The following SEZ6L2 variants were observed in gnomAD, a reference collection of about 807,000 sequenced individuals.
The protein encoded by SEZ6L2 is seizure 6-like protein 2.
A neutral mutation model predicts 97.0 loss-of-function variants in SEZ6L2; 44 were observed. That is an observed-to-expected ratio of 0.45 (90% confidence interval 0.36 to 0.58). The LOEUF (loss-of-function observed/expected upper bound fraction) is 0.58. Ranked by LOEUF, SEZ6L2 falls within the 20% of genes least tolerant of loss-of-function variation. The probability of loss-of-function intolerance (pLI) is 0.00; values close to 1 mark genes in which losing one functional copy is unlikely to be tolerated. For synonymous variants in SEZ6L2, 543 were observed against 546.1 expected, an observed-to-expected ratio of 0.99 and a Z score of 0.08; for missense variants, 1,086 against 1,233.3, an observed-to-expected ratio of 0.88 and a Z score of 1.79.
Position 29,895,336 on chromosome 16 carries a change from C to T in SEZ6L2, c.776G>A (p.Ser259Asn), listed in dbSNP as rs376234901. The T allele has an allele frequency of 7.2e-5, 116 of 1,614,034 alleles. No homozygotes were observed. The highest frequency in any genetic ancestry group is 9.5e-5 in the Non-Finnish European group (112 of 1,180,040). ...SMLGEGQVLR[S>N]PTNRLLLHFQ... The stretch of plus-strand genomic sequence containing the variant: ...GTGCAGAAGCAGCCGGTTGGTTGGG[C>T]TCCGAAGGACTTGTCCTTCTCCAAG... Residue 259 changes from serine (S) to asparagine (N), a missense_variant, in exon 5 of 18, where the codon AGC becomes AAC. Physicochemically the swap from Ser to Asn is conservative, Grantham distance 46. This residue lies in a region of SEZ6L2 where 776 missense variants were observed against 794.7 expected (regional missense o/e 0.98). Coordinates refer to ENST00000617533, the MANE Select transcript of SEZ6L2 (RefSeq NM_001243332.2).
At chr16:29,890,072 C>T (rs748299581) in intron 5 of SEZ6L2, among the ~76,000 whole-genome samples, 1 of 152,048 alleles carries the variant, frequency 6.6e-6, no homozygotes, top group Non-Finnish European at 1.5e-5. Flanking sequence ...CCATGCCTAG[C>T]TAATTTTTGT....
At position 29,899,107 on chromosome 16, in the gene SEZ6L2, A is replaced by ATTT; in HGVS notation, c.-89_-88insAAA. 2.9e-6 allele frequency: 2 copies of ATTT among 688,516 alleles called. No individual in the cohort carries two copies. The highest frequency in any genetic ancestry group is 4.5e-6 in the Non-Finnish European group (2 of 447,216). The allele number at this position is 688,516 out of a possible 1,614,324, so 42.7% of individuals were successfully genotyped here. On this transcript the variant is annotated 5_prime_UTR_variant, in exon 1 of 18. Coordinates refer to ENST00000617533, the MANE Select transcript of SEZ6L2 (RefSeq NM_001243332.2). Reference sequence around the variant, plus strand: ...CCGTCTCCGTTTATCTTTCCCTTTAATTGTTTTTTTTTTTTTTTTTTTTTT... The same window carrying ATTT: ...CCGTCTCCGTTTATCTTTCCCTTTAATTTTTGTTTTTTTTTTTTTTTTTTTTTT...
At chr16:29,880,755 C>T (rs1387468480) in intron 8 of SEZ6L2, among the ~76,000 whole-genome samples, 1 of 151,158 alleles carries the variant, frequency 6.6e-6, no homozygotes, top group Non-Finnish European at 1.5e-5. Context: ...CTGCGCCCAG[C>T]CTGGGTTTTT....
intron 8 of SEZ6L2, 120 bp downstream of exon 8, chr16:29,885,466 G>C (rs577435726): frequency 1.8e-6 from 2 of 1,114,730 alleles, no homozygotes; most frequent in African/African-American, 3.1e-5. Context: ...AGCGAGTCAC[G>C]TTTCAAGGAA....
At chr16:29,887,393 C>T (rs12443645) in intron 7 of SEZ6L2, among the ~76,000 whole-genome samples, 10,974 of 148,814 alleles carry the variant, frequency 0.074, 541 homozygotes, top group Admixed American at 0.13. Flanking sequence ...CTCTGCCTCC[C>T]GGGTTCACGC....
At position 29,897,060 on chromosome 16, in the gene SEZ6L2, G is replaced by A; in HGVS notation, c.273C>T (p.Ser91=). ...PPAGQTLAVP[S]LPRATEPGTG... Reference sequence around the variant, plus strand: ...TCCCCGGCTCAGTGGCCCGTGGCAGGGAGGGCACTGCGAGAGTCTGGCCGG... The same window carrying A: ...TCCCCGGCTCAGTGGCCCGTGGCAGAGAGGGCACTGCGAGAGTCTGGCCGG... Residue 91 remains serine (S), a synonymous_variant, in exon 3 of 18, where the codon TCC becomes TCT. Transcript: ENST00000617533. 6.3e-7 allele frequency: 1 copy of A among 1,581,938 alleles called. No individual in the cohort carries two copies. Among genetic ancestry groups the A allele is most frequent in the Non-Finnish European group, 8.5e-7 (1 of 1,171,746 alleles).
chr16:29,874,640 G>T (rs1251538178), intron 12 of SEZ6L2, among the ~76,000 whole-genome samples: 1 of 130,512 alleles, frequency 7.7e-6, no homozygotes, highest in African/African-American at 2.9e-5. Context: ...GGCGCATCTC[G>T]GCTCACTGCA....
At chr16:29,877,788 G>C in intron 10 of SEZ6L2, among the ~76,000 whole-genome samples, 1 of 152,082 alleles carries the variant, frequency 6.6e-6, no homozygotes, top group East Asian at 1.9e-4. Context: ...TCCAGCTCTG[G>C]CCAATCACAG....
intron 7 of SEZ6L2, among the ~76,000 whole-genome samples, chr16:29,886,963 C>T (rs966297879): frequency 2.0e-5 from 3 of 151,976 alleles, no homozygotes; most frequent in Non-Finnish European, 4.4e-5. Flanking sequence ...GGGCAGATCA[C>T]CTGAGGTTGG....
chr16:29,880,671 G>A (rs1249023903), intron 8 of SEZ6L2, among the ~76,000 whole-genome samples: 2 of 151,946 alleles, frequency 1.3e-5, no homozygotes, highest in Admixed American at 1.3e-4. Context: ...CGGCTAGGCT[G>A]GTCTTGAACT....
At position 29,888,695 on chromosome 16, in the gene SEZ6L2, C is replaced by A. The variant is rs1460587187; in HGVS notation, c.884G>T (p.Arg295Leu). Reference sequence around the variant, plus strand: ...CACACTCACGTCCCCATGGGCCGGCCGGGGAGGGAAGCCACAGCTCAGGAG... The same window carrying A: ...CACACTCACGTCCCCATGGGCCGGCAGGGGAGGGAAGCCACAGCTCAGGAG... ...AYLLSCGFPP[R>L]PAHGDVSVTD... Residue 295 changes from arginine to leucine, a missense_variant, in exon 6 of 18, where the codon CGG (arginine) becomes CTG (leucine). Arg to Leu is a moderately radical substitution (Grantham distance 102). Coordinates refer to ENST00000617533, the MANE Select transcript of SEZ6L2 (RefSeq NM_001243332.2). The A allele has an allele frequency of 6.2e-7, 1 of 1,613,408 alleles. No homozygotes were observed. Among genetic ancestry groups the A allele is most frequent in the Non-Finnish European group, 8.5e-7 (1 of 1,179,734 alleles).
chr16:29,876,878 T>C lies in SEZ6L2; in HGVS notation c.1982A>G (p.Asp661Gly). 1 of 1,613,488 alleles carries C rather than the reference T, an allele frequency of 6.2e-7. No homozygotes were observed. Among genetic ancestry groups the C allele is most frequent in the Non-Finnish European group, 8.5e-7 (1 of 1,179,778 alleles). Residue 661 changes from aspartate (D) to glycine (G), a missense_variant, in exon 12 of 18, where the codon GAC becomes GGC. Physicochemically the swap from Asp to Gly is moderately conservative, Grantham distance 94. Around this residue, in one of 2 missense-constraint regions of SEZ6L2, gnomAD observed 310 missense variants for 438.6 expected, o/e 0.71. Coordinates refer to ENST00000617533, the MANE Select transcript of SEZ6L2 (RefSeq NM_001243332.2). This position sits in a 1 kb window ranked among gnomAD's most constrained non-coding sequence, Gnocchi z 6.5. ...EWGWRTASHG[D>G]LIRGTVLTYQ... is the part of the protein sequence containing the mutation. ...GGTGAGCACCGTGCCCCGGATCAGG[T>C]CCCCGTGGGATGCCGTTCTCCAGCC...
chr16:29,873,435 C>T lies in SEZ6L2; in HGVS notation c.2297-4G>A, dbSNP rs990155643. 5.6e-6 allele frequency: 9 copies of T among 1,614,056 alleles called. No individual in the cohort carries two copies. Among genetic ancestry groups the T allele is most frequent in the Admixed American group, 1.7e-5 (1 of 60,004 alleles). ...TTCAGGCACGGCTCGTACTTCACTG[C>T]GGGGAGCATGCCAGTCACGTGCCAG... On this transcript the variant is annotated splice_region_variant and splice_polypyrimidine_tract_variant and intron_variant, in intron 13 of 17. Coordinates refer to ENST00000617533, the MANE Select transcript of SEZ6L2 (RefSeq NM_001243332.2). The surrounding 1 kb of genome is among the most constrained non-coding windows in gnomAD (Gnocchi z 4.3).
chr16:29,877,142 T>C (rs1415904172), intron 11 of SEZ6L2, 129 bp downstream of exon 11: 82 of 1,179,528 alleles, frequency 7.0e-5, no homozygotes, highest in Non-Finnish European at 9.4e-5. Context: ...CCTCCTGGCT[T>C]CAAACGATCC....
At chr16:29,871,901 C>A (rs1175871998) in intron 17 of SEZ6L2, among the ~76,000 whole-genome samples, 173 bp from the exon 18 acceptor site, 9 of 152,134 alleles carry the variant, frequency 5.9e-5, no homozygotes, top group Non-Finnish European at 1.3e-4. Context: ...ACACAAAAAT[C>A]TGAATTTCTG....
intron 5 of SEZ6L2, among the ~76,000 whole-genome samples, chr16:29,892,210 G>A (rs1396404629): frequency 2.0e-5 from 3 of 152,246 alleles, no homozygotes; most frequent in African/African-American, 7.2e-5. Context: ...CTGGACCAGA[G>A]GCCCCAGCTA....
Position 29,872,229 on chromosome 16 carries a change from G to T in SEZ6L2, c.2700C>A (p.Ile900=), listed in dbSNP as rs2067798427. The T allele has an allele frequency of 6.2e-7, 1 of 1,612,332 alleles. No homozygotes were observed. The highest frequency in any genetic ancestry group is 8.5e-7 in the Non-Finnish European group (1 of 1,179,308). The stretch of plus-strand genomic sequence containing the variant: ...GGTTGCTGAAGTCCGACTCCACGGT[G>T]ATGGGGCTGTAGGAGTGGGAGCCCG... ...GFSGSHSYSP[I]TVESDFSNPL... Residue 900 remains isoleucine (I), a synonymous_variant, in exon 17 of 18, where the codon ATC becomes ATA. Coordinates refer to ENST00000617533, the MANE Select transcript of SEZ6L2 (RefSeq NM_001243332.2).
Position 29,899,025 on chromosome 16 carries a change from C to G in SEZ6L2, c.-6G>C, listed in dbSNP as rs1447798857. The G allele has an allele frequency of 6.2e-7, 1 of 1,605,866 alleles. No homozygotes were observed. The highest frequency in any genetic ancestry group is 1.3e-5 in the African/African-American group (1 of 74,682). ...TGGGCCCTGGGAGTCCCCATGGCGA[C>G]TCACCCCGATCTCTCTCCTCTGTGC... On this transcript the variant is annotated 5_prime_UTR_variant, in exon 1 of 18. Coordinates refer to ENST00000617533, the MANE Select transcript of SEZ6L2 (RefSeq NM_001243332.2).
intron 7 of SEZ6L2, among the ~76,000 whole-genome samples, chr16:29,887,260 T>A (rs2068161653): frequency 6.7e-6 from 1 of 149,376 alleles, no homozygotes; most frequent in Non-Finnish European, 1.5e-5. Flanking sequence ...CCCAGCTGTG[T>A]CCAAGTCCCC....
Sources: allele counts gnomAD v4.1 joint callset (sites outside exome capture counted in the v4.1 genomes callset), GRCh38; gene constraint gnomAD v4.1.1; regional missense constraint gnomAD v4.1.1; non-coding constraint Gnocchi (gnomAD v3.1); transcripts MANE v1.5; gene names NCBI Gene and HGNC (gene_info 2026-07-23, HGNC 2026-07-21).